MRPL3: variants seen among roughly 807,000 people sequenced by gnomAD.
The protein encoded by MRPL3 is mitochondrial ribosomal protein L3, also known as large ribosomal subunit protein uL3m.
A neutral mutation model predicts 44.3 loss-of-function variants in MRPL3; 43 were observed. The observed-to-expected ratio is 0.97, with a 90% CI of 0.76 to 1.25. The LOEUF (loss-of-function observed/expected upper bound fraction) is 1.25, where lower values mean the gene tolerates loss of function less well. MRPL3 is among the 50% of genes most tolerant of loss of function. The pLI is 0.00. For missense variants in MRPL3, 406 were observed against 427.6 expected, an observed-to-expected ratio of 0.95 and a Z score of 0.45; for synonymous variants, 171 against 152.3, an observed-to-expected ratio of 1.12 and a Z score of -0.91.
rs980527763 is a variant in MRPL3 at position 131,502,938 on chromosome 3, G to A, written c.-117C>T. On this transcript the variant is annotated 5_prime_UTR_variant, in exon 1 of 10. Coordinates refer to ENST00000264995, the MANE Select transcript of MRPL3 (RefSeq NM_007208.4). ...TAGCCGTGGGGAAGTTTTCGCAATG[G>A]CCGCCGGAACGGTCGCCGGCCGATG... is the stretch of plus-strand genomic sequence containing the variant. 6.2e-6 allele frequency: 6 copies of A among 960,578 alleles called. No homozygotes were observed. The highest frequency in any genetic ancestry group is 1.6e-5 in the African/African-American group (1 of 61,820). 59.5% of individuals were successfully genotyped at this position (960,578 alleles called of 1,614,324 possible).
At chr3:131,473,737 T>C (rs1268926244) in intron 6 of MRPL3, among the ~76,000 whole-genome samples, 8 of 151,602 alleles carry the variant, frequency 5.3e-5, no homozygotes, top group Non-Finnish European at 7.4e-5. Flanking sequence ...AGTAATCCAA[T>C]TAAAAAATGA....
intron 6 of MRPL3, chr3:131,479,177 A>T (rs746162285): frequency 1.9e-6 from 1 of 518,990 alleles, no homozygotes; most frequent in Non-Finnish European, 3.8e-6. Flanking sequence ...ATTCTTGCAT[A>T]CACTGTCCCC....
At chr3:131,494,146 A>C (rs1934315670) in intron 4 of MRPL3, among the ~76,000 whole-genome samples, 1 of 152,228 alleles carries the variant, frequency 6.6e-6, no homozygotes, top group Admixed American at 6.5e-5. Context: ...ACAAATGCCA[A>C]GAAGCTCTAC....
At chr3:131,484,700 T>A (rs1441729243) in intron 6 of MRPL3, among the ~76,000 whole-genome samples, 1 of 152,166 alleles carries the variant, frequency 6.6e-6, no homozygotes, top group Non-Finnish European at 1.5e-5. Flanking sequence ...AATACAATGC[T>A]GCACTCAGGA....
chr3:131,500,467 G>T lies in MRPL3; in HGVS notation c.332C>A (p.Thr111Asn). Residue 111 changes from threonine (T) to asparagine (N), a missense_variant, in exon 3 of 10, where the codon ACC (threonine) becomes AAC (asparagine). Coordinates refer to ENST00000264995, the MANE Select transcript of MRPL3 (RefSeq NM_007208.4). ...ALKLGMMPLWTKDGQKHVVTL... is the reference protein window; with the variant it reads ...ALKLGMMPLWNKDGQKHVVTL... The stretch of plus-strand genomic sequence containing the variant: ...GACCACATGCTTTTGACCATCCTTG[G>T]TCCATAAAGGCATCATGCCCAGCTT... 1.2e-6 allele frequency: 2 copies of T among 1,613,702 alleles called. No individual in the cohort carries two copies. Among genetic ancestry groups the T allele is most frequent in the Middle Eastern group, 1.7e-4 (1 of 6,060 alleles).
chr3:131,495,019 A>G (rs1934336662), intron 4 of MRPL3, among the ~76,000 whole-genome samples: 1 of 152,160 alleles, frequency 6.6e-6, no homozygotes, highest in Non-Finnish European at 1.5e-5. Flanking sequence ...TCATTCAAAA[A>G]CACTATGTAC....
intron 6 of MRPL3, among the ~76,000 whole-genome samples, chr3:131,473,217 C>T (rs139812449): frequency 1.3e-3 from 201 of 152,182 alleles, no homozygotes; most frequent in Middle Eastern, 6.8e-3. Flanking sequence ...AAAACAGACA[C>T]ACAGAACAAC....
At chr3:131,486,846 C>T (rs1934137180) in intron 6 of MRPL3, among the ~76,000 whole-genome samples, 2 of 152,174 alleles carry the variant, frequency 1.3e-5, no homozygotes, top group South Asian at 4.1e-4. Context: ...CGCTTTTACA[C>T]TGTTGGTGGG....
chr3:131,497,448 G>T (rs1430147424), intron 4 of MRPL3, among the ~76,000 whole-genome samples: 1 of 152,122 alleles, frequency 6.6e-6, no homozygotes, highest in Non-Finnish European at 1.5e-5. Flanking sequence ...CCTAATTTCT[G>T]CCTTGTTCAT....
chr3:131,471,633 G>A (rs1455655267), intron 6 of MRPL3, among the ~76,000 whole-genome samples: 1 of 152,144 alleles, frequency 6.6e-6, no homozygotes, highest in African/African-American at 2.4e-5. Flanking sequence ...AGTACTTATA[G>A]CAGATATGGC....
intron 6 of MRPL3, among the ~76,000 whole-genome samples, chr3:131,474,438 T>C (rs1933808695): frequency 6.6e-6 from 1 of 152,078 alleles, no homozygotes; most frequent in South Asian, 2.1e-4. Context: ...GGTTGGTTAA[T>C]AGGTAGATAG....
intron 9 of MRPL3, among the ~76,000 whole-genome samples, chr3:131,464,265 T>G (rs1312289433): frequency 6.6e-6 from 1 of 152,204 alleles, no homozygotes; most frequent in Non-Finnish European, 1.5e-5. Flanking sequence ...TAACTCTCAG[T>G]TGCTTTCACA....
chr3:131,479,806 C>T (rs150531916), intron 6 of MRPL3, among the ~76,000 whole-genome samples: 3,432 of 152,322 alleles, frequency 0.023, 130 homozygotes, highest in African/African-American at 0.078. Flanking sequence ...GATCGCGCCG[C>T]TGCACTCCAG....
chr3:131,502,267 G>A (rs1030478600), intron 1 of MRPL3, among the ~76,000 whole-genome samples: 1 of 152,334 alleles, frequency 6.6e-6, no homozygotes, highest in East Asian at 1.9e-4. Flanking sequence ...CAGAACAGAA[G>A]TAAAGCTTTC....
intron 4 of MRPL3, among the ~76,000 whole-genome samples, chr3:131,493,689 T>C (rs994251036): frequency 6.6e-6 from 1 of 152,200 alleles, no homozygotes; most frequent in Admixed American, 6.5e-5. Context: ...GTTACTGTGT[T>C]TGTGGCCTCA....
rs1323058629 is a variant in MRPL3, at chr3:131,489,230, ATTTG to A, written c.568+747_568+750del. ...CCCAAGTACTTCTACTAATTTTTAT[ATTTG>A]TTTAATTCCATTTACCTTGCCTTAA... On this transcript the variant is annotated intron_variant, in intron 5 of 9. Coordinates refer to ENST00000264995, the MANE Select transcript of MRPL3 (RefSeq NM_007208.4). Among the ~76,000 whole-genome samples, 8 of 152,082 alleles carry A rather than the reference ATTTG, an allele frequency of 5.3e-5. No homozygotes were observed. The East Asian group carries it at 7.7e-4, about 15-fold the overall frequency.
intron 1 of MRPL3, chr3:131,502,017 G>T (rs1582723996): frequency 6.1e-6 from 6 of 980,884 alleles, no homozygotes; most frequent in Non-Finnish European, 6.0e-6. Context: ...AACCCATTTG[G>T]AAGTGTACCT....
intron 7 of MRPL3, among the ~76,000 whole-genome samples, chr3:131,470,382 A>G (rs1309725887): frequency 6.6e-6 from 1 of 152,122 alleles, no homozygotes; most frequent in East Asian, 1.9e-4. Flanking sequence ...CTAAAATGGA[A>G]CAGCTTCTTA....
chr3:131,473,548 C>T lies in MRPL3; in HGVS notation c.630-2269G>A, dbSNP rs370761017. On this transcript the variant is annotated intron_variant, in intron 6 of 9. Transcript: ENST00000264995. ...AGGCAACAAAAGAAAAGACACATTA[C>T]ATCAAACTCAAAAGCTTTTTGCACA... Among the ~76,000 whole-genome samples, 174 of 151,896 alleles carry T rather than the reference C, an allele frequency of 1.1e-3. 7 individuals are homozygous for T. The South Asian group carries it at 0.035, about 30-fold the overall frequency.
Sources: gnomAD v4.1 joint callset for allele counts (sites outside exome capture counted in the v4.1 genomes callset) on GRCh38, gnomAD v4.1.1 for gene constraint, MANE v1.5 for transcripts, NCBI Gene and HGNC (gene_info 2026-07-23, HGNC 2026-07-21) for gene names.